Variants in GLG1 observed in about 807,000 individuals in gnomAD.
The protein encoded by GLG1 is Golgi apparatus protein 1.
In GLG1, 38 loss-of-function variants were observed where a neutral mutation model predicts 160.5. The observed-to-expected ratio is 0.24, with a 90% confidence interval of 0.18 to 0.31. The LOEUF (loss-of-function observed/expected upper bound fraction) is 0.31. Ranked by LOEUF, GLG1 falls within the 10% of genes least tolerant of loss-of-function variation. The pLI is 1.00. For missense variants in GLG1, 1,373 were observed against 1,505.2 expected, an observed-to-expected ratio of 0.91 and a Z score of 1.45; for synonymous variants, 644 against 543.4, an observed-to-expected ratio of 1.19 and a Z score of -2.57.
chr16:74,463,099 T>TC (rs1481300173), intron 20 of GLG1: 2 of 507,432 alleles, frequency 3.9e-6, no homozygotes, highest in African/African-American at 1.9e-5. Flanking sequence ...GATTTTTCTT[T>TC]CCAAGGACTG....
intron 1 of GLG1, among the ~76,000 whole-genome samples, chr16:74,553,210 ACT>A (rs1000774556): frequency 1.1e-4 from 16 of 147,696 alleles, no homozygotes; most frequent in African/African-American, 3.3e-4. Flanking sequence ...ACAAGAGCAA[ACT>A]CTGTCTCAAA....
chr16:74,553,792 A>T (rs946218283), intron 1 of GLG1, among the ~76,000 whole-genome samples: 12 of 152,064 alleles, frequency 7.9e-5, no homozygotes, highest in East Asian at 3.9e-4. Context: ...TCTTTAAAAT[A>T]GTATAGACTT....
At chr16:74,581,048 A>G (rs566651414) in intron 1 of GLG1, among the ~76,000 whole-genome samples, 1 of 152,360 alleles carries the variant, frequency 6.6e-6, no homozygotes, top group East Asian at 1.9e-4. Context: ...TGGTGGGAAT[A>G]TAATATGATG....
chr16:74,535,896 G>T (rs1210116525), intron 1 of GLG1, among the ~76,000 whole-genome samples: 2 of 152,098 alleles, frequency 1.3e-5, no homozygotes, highest in Admixed American at 1.3e-4. Flanking sequence ...ATTTAGAGGG[G>T]TTTTTAGAAT....
intron 19 of GLG1, among the ~76,000 whole-genome samples, chr16:74,464,548 C>T (rs1418138889): frequency 6.6e-6 from 1 of 152,238 alleles, no homozygotes; most frequent in African/African-American, 2.4e-5. Flanking sequence ...CTGAGCCTCT[C>T]TTCCTAGTTC....
At chr16:74,585,535 T>C (rs978463917) in intron 1 of GLG1, among the ~76,000 whole-genome samples, 1 of 150,544 alleles carries the variant, frequency 6.6e-6, no homozygotes, top group Admixed American at 6.6e-5. Context: ...TGAAACCTCG[T>C]CTGTACTAAA....
At chr16:74,500,205 A>T (rs2016356017) in intron 4 of GLG1, among the ~76,000 whole-genome samples, 1 of 152,236 alleles carries the variant, frequency 6.6e-6, no homozygotes. Flanking sequence ...ACCAAACATT[A>T]ATTAAAGTGA....
At chr16:74,596,642 C>A (rs1364339782) in intron 1 of GLG1, among the ~76,000 whole-genome samples, 1 of 152,230 alleles carries the variant, frequency 6.6e-6, no homozygotes, top group Non-Finnish European at 1.5e-5. Flanking sequence ...CAACTGTTCA[C>A]TAGCTGCACG....
intron 1 of GLG1, among the ~76,000 whole-genome samples, chr16:74,555,903 G>A (rs1597343436): frequency 6.6e-6 from 1 of 150,510 alleles, no homozygotes; most frequent in African/African-American, 2.5e-5. Context: ...GTAGTGGCAC[G>A]ATCATGGCTC....
chr16:74,580,597 G>T (rs1043325357), intron 1 of GLG1, among the ~76,000 whole-genome samples: 5 of 152,100 alleles, frequency 3.3e-5, no homozygotes, highest in Non-Finnish European at 7.4e-5. Flanking sequence ...TAGGAGAAAA[G>T]CTTCATGACA....
intron 1 of GLG1, among the ~76,000 whole-genome samples, chr16:74,577,244 G>A (rs1205958735): frequency 6.6e-6 from 1 of 152,062 alleles, no homozygotes; most frequent in African/African-American, 2.4e-5. Flanking sequence ...ATTGAGGACT[G>A]GGTGTGGTGG....
chr16:74,502,934 C>T (rs1465738594), intron 4 of GLG1, among the ~76,000 whole-genome samples: 2 of 149,200 alleles, frequency 1.3e-5, no homozygotes, highest in East Asian at 4.2e-4. Flanking sequence ...TGGCCGGGAC[C>T]GGTGGCTCAC....
intron 1 of GLG1, among the ~76,000 whole-genome samples, chr16:74,569,399 G>C (rs1290684396): frequency 6.6e-6 from 1 of 152,078 alleles, no homozygotes; most frequent in African/African-American, 2.4e-5. Flanking sequence ...TGTTTCCTTG[G>C]GTTTGAAGGT....
Position 74,467,779 on chromosome 16 carries a change from C to A in GLG1, c.2506G>T (p.Ala836Ser), listed in dbSNP as rs187897620. ...ACCTGAGCGTTGCCATATTGCACAG[C>A]GGAACAGAAGTTTTTGATGTCACTC... ...CKSDIKNFCSAVQYGNAQIIE... is the reference protein window; with the variant it reads ...CKSDIKNFCSSVQYGNAQIIE... The change falls in exon 18 of 26, where the codon GCT becomes TCT. Residue 836 changes from alanine to serine, a missense_variant. By Grantham distance (99) the Ala-to-Ser change is moderately conservative. This residue lies in a region of GLG1 where 491 missense variants were observed against 632.1 expected (regional missense o/e 0.78). Coordinates refer to ENST00000422840, the MANE Select transcript of GLG1 (RefSeq NM_001145667.2). 3.1e-5 allele frequency: 50 copies of A among 1,611,792 alleles called. 1 individual carries two copies. The highest frequency in any genetic ancestry group is 4.2e-5 in the Non-Finnish European group (49 of 1,178,150).
chr16:74,452,962 A>G lies in GLG1; in HGVS notation c.*205T>C, dbSNP rs1482847583. The G allele has an allele frequency of 1.3e-5, 17 of 1,270,628 alleles. No homozygotes were observed. Among genetic ancestry groups the G allele is most frequent in the Non-Finnish European group, 1.6e-5 (16 of 1,008,834 alleles). The allele number at this position is 1,270,628 out of a possible 1,614,324, so 78.7% of individuals were successfully genotyped here. ...AACAAAGGCAGTAACCCCAGCGACCAGCTGCTGCTGCTGCACGGTGAGGAG... is the reference window on the plus strand; with the variant it reads ...AACAAAGGCAGTAACCCCAGCGACCGGCTGCTGCTGCTGCACGGTGAGGAG... On this transcript the variant is annotated 3_prime_UTR_variant, in exon 26 of 26. Transcript: ENST00000422840.
rs2015139670 is a variant in GLG1, at chr16:74,470,029, G to A, written c.2274C>T (p.Ala758=). 4 of 1,610,300 alleles carry A rather than the reference G, an allele frequency of 2.5e-6. No individual in the cohort carries two copies. The highest frequency in any genetic ancestry group is 1.1e-5 in the South Asian group (1 of 91,008). ...AAAGCTTCAACACGTCCTCCTTGCAGGCCATTTTAAACTTGTAAGAAAACC... is the reference window on the plus strand; with the variant it reads ...AAAGCTTCAACACGTCCTCCTTGCAAGCCATTTTAAACTTGTAAGAAAACC... ...DFRFSYKFKM[A]CKEDVLKLCP... is the part of the protein sequence containing the mutation. Residue 758 remains alanine, a synonymous_variant, in exon 16 of 26, where the codon GCC becomes GCT. Coordinates refer to ENST00000422840, the MANE Select transcript of GLG1 (RefSeq NM_001145667.2).
At chr16:74,595,484 C>G (rs540656961) in intron 1 of GLG1, among the ~76,000 whole-genome samples, 7 of 152,260 alleles carry the variant, frequency 4.6e-5, no homozygotes, top group Non-Finnish European at 8.8e-5. Flanking sequence ...TTGCAGTGAG[C>G]CAAGATCGCG....
intron 1 of GLG1, among the ~76,000 whole-genome samples, chr16:74,605,314 G>T (rs190663330): frequency 2.6e-5 from 4 of 151,530 alleles, no homozygotes; most frequent in African/African-American, 9.7e-5. Context: ...TACACTCCTT[G>T]AATAGGCCAC....
At chr16:74,571,496 G>C (rs530209497) in intron 1 of GLG1, among the ~76,000 whole-genome samples, 1 of 152,142 alleles carries the variant, frequency 6.6e-6, no homozygotes, top group East Asian at 1.9e-4. Flanking sequence ...AACATTCAGA[G>C]ACCTTGTCTT....
Sources: allele counts gnomAD v4.1 joint callset (sites outside exome capture counted in the v4.1 genomes callset), GRCh38; gene constraint gnomAD v4.1.1; regional missense constraint gnomAD v4.1.1; transcripts MANE v1.5; gene names NCBI Gene and HGNC (gene_info 2026-07-23, HGNC 2026-07-21).